Variants in NR6A1 observed in about 807,000 individuals in gnomAD.
NR6A1 encodes the protein nuclear receptor subfamily 6 group A member 1.
A neutral mutation model predicts 59.1 loss-of-function variants in NR6A1; 7 were observed. That is an observed-to-expected ratio of 0.12 (90% CI 0.07 to 0.22). The LOEUF (loss-of-function observed/expected upper bound fraction) is 0.22. Ranked by LOEUF, NR6A1 falls within the 10% of genes least tolerant of loss-of-function variation. NR6A1 has a pLI of 1.00. For synonymous variants in NR6A1, 243 were observed against 236.1 expected, an observed-to-expected ratio of 1.03 and a Z score of -0.27; for missense variants, 468 against 611.6, an observed-to-expected ratio of 0.77 and a Z score of 2.48.
chr9:124,566,173 A>G (rs1014390794), intron 2 of NR6A1, among the ~76,000 whole-genome samples: 8 of 152,224 alleles, frequency 5.3e-5, no homozygotes, highest in African/African-American at 1.9e-4. Flanking sequence ...TGGGCGAAAG[A>G]AGTGCGAAAG....
intron 2 of NR6A1, among the ~76,000 whole-genome samples, chr9:124,675,399 A>G (rs1400314828): frequency 6.6e-6 from 1 of 152,240 alleles, no homozygotes; most frequent in Non-Finnish European, 1.5e-5. Flanking sequence ...TGGCACACAC[A>G]GAAGGTGTTC....
At chr9:124,583,147 C>A (rs1271013298) in intron 2 of NR6A1, among the ~76,000 whole-genome samples, 1 of 149,928 alleles carries the variant, frequency 6.7e-6, no homozygotes, top group Non-Finnish European at 1.5e-5. Flanking sequence ...CACCCACCCA[C>A]ACCCACACCC....
chr9:124,771,288 T>C lies in NR6A1; in HGVS notation c.-169A>G. On this transcript the variant is annotated 5_prime_UTR_variant, in exon 1 of 10. Transcript: ENST00000487099. ...CCGGCTCCGCGCCGCTCCGCGCCCCTCCGCGCCGCGCCCCCTCAGCACTGG... is the reference window on the plus strand; with the variant it reads ...CCGGCTCCGCGCCGCTCCGCGCCCCCCCGCGCCGCGCCCCCTCAGCACTGG... The C allele has an allele frequency of 2.6e-6, 1 of 392,108 alleles. No individual in the cohort carries two copies. The highest frequency in any genetic ancestry group is 4.5e-6 in the Non-Finnish European group (1 of 223,488). 24.3% of individuals were successfully genotyped at this position (392,108 alleles called of 1,614,324 possible).
intron 7 of NR6A1, among the ~76,000 whole-genome samples, chr9:124,533,681 G>A (rs937163315): frequency 1.2e-4 from 18 of 147,358 alleles, no homozygotes; most frequent in African/African-American, 4.3e-4. Context: ...ACGGAGTCTC[G>A]CTCTGTCGCC....
chr9:124,690,703 G>A (rs550817528), intron 2 of NR6A1, among the ~76,000 whole-genome samples: 1 of 152,204 alleles, frequency 6.6e-6, no homozygotes, highest in African/African-American at 2.4e-5. Flanking sequence ...GTCACTCTTA[G>A]CTAATTTAAC....
chr9:124,740,130 CCAG>C (rs1169203937), intron 1 of NR6A1, among the ~76,000 whole-genome samples: 7 of 152,158 alleles, frequency 4.6e-5, no homozygotes, highest in Non-Finnish European at 8.8e-5. Context: ...ATCGTGGCTC[CCAG>C]AATTCAACAC....
intron 8 of NR6A1, among the ~76,000 whole-genome samples, chr9:124,525,856 C>G (rs566207152): frequency 4.6e-5 from 7 of 152,288 alleles, no homozygotes; most frequent in African/African-American, 1.7e-4. Context: ...ACAAGTAATA[C>G]GTCAAGTGCC....
At chr9:124,611,974 C>T (rs1767267511) in intron 2 of NR6A1, among the ~76,000 whole-genome samples, 2 of 152,044 alleles carry the variant, frequency 1.3e-5, no homozygotes, top group Admixed American at 1.3e-4. Flanking sequence ...ACAAGGTGTG[C>T]TCAGAGAAGA....
intron 1 of NR6A1, among the ~76,000 whole-genome samples, chr9:124,769,532 G>T (rs577312114): frequency 1.6e-4 from 24 of 152,326 alleles, no homozygotes; most frequent in African/African-American, 5.8e-4. Context: ...TCACTGTCCT[G>T]ATTGAGAAAC....
chr9:124,598,855 CTTTGT>C, intron 2 of NR6A1: 4 of 731,212 alleles, frequency 5.5e-6, no homozygotes, highest in Non-Finnish European at 1.0e-5. Flanking sequence ...ATTCTTCAAA[CTTTGT>C]TTTGAATTTC....
intron 2 of NR6A1, among the ~76,000 whole-genome samples, chr9:124,663,367 T>G (rs1432899949): frequency 1.3e-5 from 2 of 152,210 alleles, no homozygotes; most frequent in Non-Finnish European, 2.9e-5. Flanking sequence ...CAGCCTATCT[T>G]ATGCCTGCTT....
chr9:124,554,828 A>T (rs950095184), intron 2 of NR6A1, among the ~76,000 whole-genome samples: 1 of 152,192 alleles, frequency 6.6e-6, no homozygotes, highest in Non-Finnish European at 1.5e-5. Context: ...GAAACCTAGA[A>T]AGAATCTTTG....
In NR6A1 at chr9:124,568,844, T is replaced by A. The variant is rs982080555; in HGVS notation, c.143-14274A>T. On this transcript the variant is annotated intron_variant, in intron 2 of 9. Transcript: ENST00000487099. ...AGACTGAGCCTCAGGCCGGGCACAG[T>A]GGCTCACGCCTGTAATCCCAGCACT... 4.6e-5 allele frequency among the ~76,000 whole-genome samples: 7 copies of A among 151,834 alleles called. 1 individual carries two copies. The highest frequency in any genetic ancestry group is 1.7e-4 in the African/African-American group (7 of 41,116).
chr9:124,543,886 A>G (rs1484525630), intron 3 of NR6A1, 29 bp from the exon 4 acceptor site: 1 of 1,600,552 alleles, frequency 6.2e-7, no homozygotes, highest in Admixed American at 1.7e-5. Context: ...CAAGAAAGGC[A>G]GTCAGAAGCA....
intron 2 of NR6A1, among the ~76,000 whole-genome samples, chr9:124,682,456 T>C (rs1434199015): frequency 2.6e-5 from 4 of 152,204 alleles, no homozygotes; most frequent in Non-Finnish European, 5.9e-5. Flanking sequence ...CAGTATATTG[T>C]AACAGACATA....
intron 2 of NR6A1, among the ~76,000 whole-genome samples, chr9:124,729,770 C>T (rs1245104234): frequency 6.6e-6 from 1 of 152,118 alleles, no homozygotes; most frequent in Non-Finnish European, 1.5e-5. Context: ...CATTTGAACC[C>T]CAAAACTGGT....
At chr9:124,672,168 A>G (rs974709832) in intron 2 of NR6A1, among the ~76,000 whole-genome samples, 1 of 152,146 alleles carries the variant, frequency 6.6e-6, no homozygotes, top group African/African-American at 2.4e-5. Context: ...GTATTCCGTT[A>G]TATGTATTCT....
intron 2 of NR6A1, among the ~76,000 whole-genome samples, chr9:124,626,795 G>A (rs930518350): frequency 5.3e-5 from 8 of 152,212 alleles, no homozygotes; most frequent in Non-Finnish European, 8.8e-5. Flanking sequence ...TTAGCCGGGC[G>A]TAGGGGCACA....
rs758273917 is a variant in NR6A1 at position 124,543,814 on chromosome 9, A to G, written c.429T>C (p.Ile143=). ...GTCTAGAACTCACCTGGACTGGCCC[A>G]ATGCTCTTATTCCGGCCTCCAGGCA... ...DGMPGGRNKS[I]GPVQISEEEI... Residue 143 remains isoleucine, a synonymous_variant, in exon 4 of 10, where the codon ATT becomes ATC. Transcript: ENST00000487099. 2.5e-6 allele frequency: 4 copies of G among 1,613,724 alleles called. No individual in the cohort carries two copies. The highest frequency in any genetic ancestry group is 2.2e-5 in the East Asian group (1 of 44,874).
Sources: gnomAD v4.1 joint callset for allele counts (sites outside exome capture counted in the v4.1 genomes callset) on GRCh38, gnomAD v4.1.1 for gene constraint, MANE v1.5 for transcripts, NCBI Gene and HGNC (gene_info 2026-07-23, HGNC 2026-07-21) for gene names.